IL6ST: variants seen among roughly 807,000 people sequenced by gnomAD.
IL6ST encodes interleukin 6 cytokine family signal transducer.
Under a neutral mutation model 91.3 loss-of-function variants are expected in IL6ST, and 24 were observed. The ratio of observed to expected loss-of-function variants is 0.26; its 90% confidence interval spans 0.19 to 0.37. IL6ST has a LOEUF of 0.37. Ranked by LOEUF, IL6ST falls within the 10% of genes least tolerant of loss-of-function variation. The pLI, the probability that IL6ST is intolerant of heterozygous loss-of-function variation, is 1.00. For missense variants in IL6ST, 914 were observed against 1,078.5 expected, an observed-to-expected ratio of 0.85 and a Z score of 2.14; for synonymous variants, 351 against 373.6, an observed-to-expected ratio of 0.94 and a Z score of 0.70.
chr5:55,972,819 A>G lies in IL6ST; in HGVS notation c.65-2964T>C, dbSNP rs570613226. Reference sequence around the variant, plus strand: ...GAGGAGTTCTAGACCAGCCTGACCAACATGGTGAAATCCCGTCTCTACTAA... The same window carrying G: ...GAGGAGTTCTAGACCAGCCTGACCAGCATGGTGAAATCCCGTCTCTACTAA... On this transcript the variant is annotated intron_variant, in intron 3 of 16. Transcript: ENST00000381298. 1.2e-3 allele frequency among the ~76,000 whole-genome samples: 188 copies of G among 151,990 alleles called. 1 individual carries two copies. Among genetic ancestry groups the G allele is most frequent in the Non-Finnish European group, 1.8e-3 (123 of 67,980 alleles).
chr5:55,952,364 T>G lies in IL6ST; in HGVS notation c.1451-13A>C. 7.0e-7 allele frequency: 1 copy of G among 1,424,374 alleles called. No individual in the cohort carries two copies. Among genetic ancestry groups the G allele is most frequent in the Non-Finnish European group, 9.8e-7 (1 of 1,019,594 alleles). 88.2% of individuals were successfully genotyped at this position (1,424,374 alleles called of 1,614,324 possible). A position where few individuals can be genotyped will look rare whatever the true frequency, so the allele number is the denominator to read the frequency against. On this transcript the variant is annotated splice_polypyrimidine_tract_variant and intron_variant, in intron 11 of 16. Transcript: ENST00000381298. ...TCTGCTAAGTTCCCTAAAGCAAGAA[T>G]AGCAGATTAAGCATGTTTTTCCATA...
Position 55,947,591 on chromosome 5 carries a change from TTAAA to T in IL6ST, c.1841-6_1841-3del. ...CTATGGCTTCAATTTCTCCTTGAGC[TTAAA>T]AAAAAAAAAAAAAAAAAAAAAAGAG... On this transcript the variant is annotated splice_polypyrimidine_tract_variant and splice_region_variant and intron_variant, in intron 14 of 16. Transcript: ENST00000381298. The T allele has an allele frequency of 1.4e-6, 1 of 703,902 alleles. No homozygotes were observed. The highest frequency in any genetic ancestry group is 2.0e-6 in the Non-Finnish European group (1 of 506,612). The allele number at this position is 703,902 out of a possible 1,614,324, so 43.6% of individuals were successfully genotyped here.
At chr5:55,943,491 C>G (rs1278959873) in intron 15 of IL6ST, among the ~76,000 whole-genome samples, 1 of 152,090 alleles carries the variant, frequency 6.6e-6, no homozygotes, top group African/African-American at 2.4e-5. Flanking sequence ...GATTTTAAAA[C>G]CAGACAGATA....
At chr5:55,947,383 A>G (rs116750038) in intron 15 of IL6ST, 110 bp downstream of exon 15, 10,515 of 682,620 alleles carry the variant, frequency 0.015, 134 homozygotes, top group South Asian at 0.024. Context: ...TCTGTATGTA[A>G]TTACAAAAAT....
Position 55,967,771 on chromosome 5 carries a change from C to T in IL6ST, c.491+505G>A, listed in dbSNP as rs186506368. 6.6e-5 allele frequency among the ~76,000 whole-genome samples: 10 copies of T among 152,042 alleles called. No homozygotes were observed. In the East Asian group the frequency reaches 7.7e-4, roughly 12 times the overall value. ...TGAGTGATGGGTATGTATGGGTATT[C>T]TACTATTCTTTCTACTTTTATTTTT... On this transcript the variant is annotated intron_variant, in intron 5 of 16. Coordinates refer to ENST00000381298, the MANE Select transcript of IL6ST (RefSeq NM_002184.4).
chr5:55,991,222 A>G (rs937491041), intron 1 of IL6ST, among the ~76,000 whole-genome samples: 1 of 152,216 alleles, frequency 6.6e-6, no homozygotes, highest in African/African-American at 2.4e-5. Flanking sequence ...ATGTCTTTAT[A>G]GCAGCATGAT....
Position 55,936,636 on chromosome 5 carries a change from A to T in IL6ST, c.*4446T>A, listed in dbSNP as rs2112639820. The T allele has an allele frequency of 5.1e-6, 1 of 196,052 alleles. No homozygotes were observed. Among genetic ancestry groups the T allele is most frequent in the East Asian group, 8.0e-5 (1 of 12,426 alleles). 12.1% of individuals were successfully genotyped at this position (196,052 alleles called of 1,614,324 possible). A position where few individuals can be genotyped will look rare whatever the true frequency, so the allele number is the denominator to read the frequency against. On this transcript the variant is annotated 3_prime_UTR_variant, in exon 17 of 17. Coordinates refer to ENST00000381298, the MANE Select transcript of IL6ST (RefSeq NM_002184.4). ...TGCATAGTCAGATGATAGTAACCAC[A>T]TACAGAAAAAAAATTTGAACAAGTA...
At chr5:55,949,047 A>G (rs1751449169) in intron 14 of IL6ST, 1 of 152,140 alleles carries the variant, frequency 6.6e-6, no homozygotes, top group African/African-American at 2.4e-5. Flanking sequence ...TAATTTTAGG[A>G]AAAAAATATA....
chr5:55,948,169 G>C (rs1751393857), intron 14 of IL6ST, among the ~76,000 whole-genome samples: 1 of 152,144 alleles, frequency 6.6e-6, no homozygotes, highest in Non-Finnish European at 1.5e-5. Flanking sequence ...ATGGGCATGA[G>C]GAGTGGCACG....
At chr5:55,944,489 T>C (rs562588163) in intron 15 of IL6ST, among the ~76,000 whole-genome samples, 1 of 152,208 alleles carries the variant, frequency 6.6e-6, no homozygotes, top group Non-Finnish European at 1.5e-5. Context: ...TCAAAAAAAG[T>C]TATGCAAGGC....
chr5:55,941,114 T>C lies in IL6ST; in HGVS notation c.2725A>G (p.Thr909Ala), dbSNP rs1750877182. Residue 909 changes from threonine (T) to alanine (A), a missense_variant, in exon 17 of 17, where the codon ACT (threonine) becomes GCT (alanine). Thr to Ala is a moderately conservative substitution (Grantham distance 58, BLOSUM62 0). Coordinates refer to ENST00000381298, the MANE Select transcript of IL6ST (RefSeq NM_002184.4). ...EGMPKSYLPQTVRQGGYMPQ is the reference protein window; with the variant it reads ...EGMPKSYLPQAVRQGGYMPQ Reference sequence around the variant, plus strand: ...GGCATGTAGCCGCCTTGCCGTACAGTCTGTGGTAAGTAACTTTTAGGCATG... The same window carrying C: ...GGCATGTAGCCGCCTTGCCGTACAGCCTGTGGTAAGTAACTTTTAGGCATG... 6.2e-7 allele frequency: 1 copy of C among 1,613,976 alleles called. No individual in the cohort carries two copies. The highest frequency in any genetic ancestry group is 8.5e-7 in the Non-Finnish European group (1 of 1,179,896).
intron 7 of IL6ST, among the ~76,000 whole-genome samples, chr5:55,961,445 A>T (rs1252359291): frequency 6.6e-6 from 1 of 152,102 alleles, no homozygotes; most frequent in Non-Finnish European, 1.5e-5. Flanking sequence ...GGCTGTCTTG[A>T]CAGGTAGTGA....
At chr5:55,971,799 C>T (rs1436042666) in intron 3 of IL6ST, among the ~76,000 whole-genome samples, 1 of 152,118 alleles carries the variant, frequency 6.6e-6, no homozygotes, top group Non-Finnish European at 1.5e-5. Context: ...AAATTAAAAA[C>T]AGTTTTTGCA....
rs190846928 is a variant in IL6ST, at chr5:55,939,286, C to T, written c.*1796G>A. On this transcript the variant is annotated 3_prime_UTR_variant, in exon 17 of 17. Transcript: ENST00000381298. ...TGATTTTCCTCATCTACTTTGAATT[C>T]GTCATTCTATTAATCTACTTTTGCC... 4.8e-4 allele frequency: 100 copies of T among 208,224 alleles called. No homozygotes were observed. The highest frequency in any genetic ancestry group is 1.6e-3 in the African/African-American group (70 of 44,032). The allele number at this position is 208,224 out of a possible 1,614,324, so 12.9% of individuals were successfully genotyped here. A position where few individuals can be genotyped will look rare whatever the true frequency, so the allele number is the denominator to read the frequency against.
rs1399571933 is a variant in IL6ST at position 55,938,429 on chromosome 5, T to C, written c.*2653A>G. 1 of 192,572 alleles carries C rather than the reference T, an allele frequency of 5.2e-6. No homozygotes were observed. Among genetic ancestry groups the C allele is most frequent in the African/African-American group, 2.3e-5 (1 of 43,040 alleles). 11.9% of individuals were successfully genotyped at this position (192,572 alleles called of 1,614,324 possible). A position where few individuals can be genotyped will look rare whatever the true frequency, so the allele number is the denominator to read the frequency against. On this transcript the variant is annotated 3_prime_UTR_variant, in exon 17 of 17. Coordinates refer to ENST00000381298, the MANE Select transcript of IL6ST (RefSeq NM_002184.4). The stretch of plus-strand genomic sequence containing the variant: ...ATCCCTTTCAGAGATGAGGGTAGGA[T>C]ACCACAGACATCAGTAACTGACAAG...
chr5:55,990,872 A>G (rs1001762812), intron 1 of IL6ST, among the ~76,000 whole-genome samples: 2 of 150,152 alleles, frequency 1.3e-5, no homozygotes, highest in African/African-American at 4.9e-5. Context: ...TATATCTCCT[A>G]ATGCTATCCC....
In IL6ST at chr5:55,957,414, C is replaced by G. The variant is rs1054354569; in HGVS notation, c.974-123G>C. ...CTCCAATTGCATGGTGTCTCTACCTCTTTATACCAGCATTTTCCCAACCCA... is the reference window on the plus strand; with the variant it reads ...CTCCAATTGCATGGTGTCTCTACCTGTTTATACCAGCATTTTCCCAACCCA... On this transcript the variant is annotated intron_variant, in intron 8 of 16. Transcript: ENST00000381298. 13 of 495,014 alleles carry G rather than the reference C, an allele frequency of 2.6e-5. No homozygotes were observed. In the Admixed American group the frequency reaches 4.9e-4, roughly 19 times the overall value. The allele number at this position is 495,014 out of a possible 1,614,324, so 30.7% of individuals were successfully genotyped here. A position where few individuals can be genotyped will look rare whatever the true frequency, so the allele number is the denominator to read the frequency against.
In IL6ST at chr5:55,956,185, A is replaced by G. The variant is rs1404863630; in HGVS notation, c.1107T>C (p.Thr369=). The G allele has an allele frequency of 6.2e-7, 1 of 1,612,318 alleles. No homozygotes were observed. The highest frequency in any genetic ancestry group is 1.7e-5 in the Admixed American group (1 of 60,034). The part of the protein sequence containing the change: ...ANGKILDYEV[T]LTRWKSHLQN... ...GTAAATGTGATTTCCATCTTGTGAG[A>G]GTCACTTCATAATCCAAGATTTTTC... Residue 369 remains threonine (T), a synonymous_variant, in exon 10 of 17, where the codon ACT becomes ACC. Coordinates refer to ENST00000381298, the MANE Select transcript of IL6ST (RefSeq NM_002184.4).
chr5:55,939,702 G>A lies in IL6ST; in HGVS notation c.*1380C>T, dbSNP rs1157614490. The A allele has an allele frequency of 1.5e-5, 3 of 206,488 alleles. No homozygotes were observed. Among genetic ancestry groups the A allele is most frequent in the Non-Finnish European group, 2.0e-5 (2 of 101,110 alleles). The allele number at this position is 206,488 out of a possible 1,614,324, so 12.8% of individuals were successfully genotyped here. ...TATATTTAGCATCTGCTTCCATATC[G>A]CACGTGGTGGTTAGGGGACAGCATA... On this transcript the variant is annotated 3_prime_UTR_variant, in exon 17 of 17. Coordinates refer to ENST00000381298, the MANE Select transcript of IL6ST (RefSeq NM_002184.4).
Sources: allele counts gnomAD v4.1 joint callset (sites outside exome capture counted in the v4.1 genomes callset), GRCh38; gene constraint gnomAD v4.1.1; transcripts MANE v1.5; gene names NCBI Gene and HGNC (gene_info 2026-07-23, HGNC 2026-07-21).